Variants in ZNF608 observed in about 807,000 individuals in gnomAD.
ZNF608 encodes the protein renal carcinoma antigen NY-REN-36.
A neutral mutation model predicts 109.0 loss-of-function variants in ZNF608; 12 were observed. The ratio of observed to expected loss-of-function variants is 0.11; its 90% CI spans 0.07 to 0.18. The LOEUF (loss-of-function observed/expected upper bound fraction) is 0.18, where lower values mean the gene tolerates loss of function less well. Among genes scored for constraint, ZNF608 ranks in the 10% least tolerant of loss-of-function variants. The probability of loss-of-function intolerance (pLI) is 1.00; values close to 1 mark genes in which losing one functional copy is unlikely to be tolerated. For synonymous variants in ZNF608, 732 were observed against 717.4 expected, an observed-to-expected ratio of 1.02 and a Z score of -0.33; for missense variants, 1,707 against 1,879.3, an observed-to-expected ratio of 0.91 and a Z score of 1.70.
In ZNF608 at chr5:124,647,470, T is replaced by C. The variant is rs2149788627; in HGVS notation, c.2914A>G (p.Lys972Glu). The C allele has an allele frequency of 6.2e-7, 1 of 1,614,224 alleles. No homozygotes were observed. Among genetic ancestry groups the C allele is most frequent in the South Asian group, 1.1e-5 (1 of 91,088 alleles). The change falls in exon 5 of 10, where the codon AAG becomes GAG. Residue 972 changes from lysine (K) to glutamate (E), a missense_variant. Around this residue, in one of 7 missense-constraint regions of ZNF608, gnomAD observed 1,073 missense variants for 1,133.5 expected, o/e 0.95. Transcript: ENST00000513986. ...GAATGCCCTTTTACAACACTGTCCT[T>C]ACTAGAAATAATATCTGATGGGGAA... is the stretch of plus-strand genomic sequence containing the variant. The part of the protein sequence containing the change: ...ASSPSDIISS[K>E]DSVVKGHSST...
chr5:124,642,406 G>A (rs1281268274), intron 7 of ZNF608, among the ~76,000 whole-genome samples: 3 of 152,144 alleles, frequency 2.0e-5, no homozygotes, highest in African/African-American at 4.8e-5. Context: ...GCCTCACACT[G>A]TACAAGGCTC....
intron 3 of ZNF608, among the ~76,000 whole-genome samples, chr5:124,690,928 C>CAT (rs1164565349): frequency 4.4e-5 from 3 of 68,558 alleles, no homozygotes; most frequent in Non-Finnish European, 2.6e-5. Flanking sequence ...CAGAAAAACA[C>CAT]ACACACACAC....
At chr5:124,640,752 T>C (rs1036421526) in intron 8 of ZNF608, among the ~76,000 whole-genome samples, 2 of 152,230 alleles carry the variant, frequency 1.3e-5, no homozygotes, top group African/African-American at 4.8e-5. Context: ...TTCTCCCATT[T>C]AGTGAAGTCG....
At chr5:124,706,813 C>A (rs1188841020) in intron 2 of ZNF608, among the ~76,000 whole-genome samples, 1 of 152,182 alleles carries the variant, frequency 6.6e-6, no homozygotes, top group Non-Finnish European at 1.5e-5. Flanking sequence ...AACAGACGCG[C>A]GGCAGTCTCT....
At chr5:124,682,761 T>A (rs146902261) in intron 3 of ZNF608, among the ~76,000 whole-genome samples, 1 of 152,180 alleles carries the variant, frequency 6.6e-6, no homozygotes, top group South Asian at 2.1e-4. Flanking sequence ...TTAGAAAAGG[T>A]AATCATAGAA....
At chr5:124,736,819 G>A (rs909497184) in intron 2 of ZNF608, among the ~76,000 whole-genome samples, 2 of 152,186 alleles carry the variant, frequency 1.3e-5, no homozygotes, top group Admixed American at 6.5e-5. Flanking sequence ...GAACTTTGTC[G>A]TCTGTTGCTA....
At chr5:124,659,069 G>T (rs4836103) in intron 3 of ZNF608, among the ~76,000 whole-genome samples, 93,354 of 151,704 alleles carry the variant, frequency 0.62, 29,135 homozygotes, top group East Asian at 0.74. Flanking sequence ...AGACTCAGGA[G>T]GTCACTGAAG....
rs1362993347 is a variant in ZNF608 at position 124,646,825 on chromosome 5, A to C, written c.3559T>G (p.Ser1187Ala). The C allele has an allele frequency of 1.2e-6, 2 of 1,614,192 alleles. No individual in the cohort carries two copies. Among genetic ancestry groups the C allele is most frequent in the Admixed American group, 3.3e-5 (2 of 60,032 alleles). ...TEETGKSQLLSNHQQQLQADS... is the reference protein window; with the variant it reads ...TEETGKSQLLANHQQQLQADS... The stretch of plus-strand genomic sequence containing the variant: ...GCCTGAAGCTGCTGCTGGTGATTGG[A>C]GAGAAGCTGCGATTTACCTGTCTCC... The change falls in exon 5 of 10, where the codon TCC becomes GCC. Residue 1187 changes from serine (S) to alanine (A), a missense_variant. This residue lies in a region of ZNF608 where 1,073 missense variants were observed against 1,133.5 expected (regional missense o/e 0.95). Transcript: ENST00000513986.
chr5:124,728,083 C>T (rs1256648398), intron 2 of ZNF608, among the ~76,000 whole-genome samples: 1 of 152,122 alleles, frequency 6.6e-6, no homozygotes. Flanking sequence ...TCTCTCCAAA[C>T]ACAGCTTTAC....
At chr5:124,704,980 G>C (rs1753201234) in intron 2 of ZNF608, among the ~76,000 whole-genome samples, 1 of 152,136 alleles carries the variant, frequency 6.6e-6, no homozygotes, top group African/African-American at 2.4e-5. Context: ...GTAATTCAAA[G>C]AGTGTGGCCA....
chr5:124,722,689 G>A (rs1753981735), intron 2 of ZNF608, among the ~76,000 whole-genome samples: 2 of 151,934 alleles, frequency 1.3e-5, no homozygotes, highest in Non-Finnish European at 2.9e-5. Context: ...GGGGTTGAGG[G>A]TTGGAGAAGA....
In ZNF608 at chr5:124,718,259, C is replaced by T. The variant is rs377182920; in HGVS notation, c.907-16990G>A. ...TTCTCTGCTTAGCACTCTTTAAATG[C>T]CTTGTTAGGGGAACAAAAAAATTCT... On this transcript the variant is annotated intron_variant, in intron 2 of 9. Transcript: ENST00000513986. Among the ~76,000 whole-genome samples, 15 of 152,290 alleles carry T rather than the reference C, an allele frequency of 9.8e-5. No homozygotes were observed. The South Asian group carries it at 1.7e-3, about 17-fold the overall frequency.
rs1371673007 is a variant in ZNF608, at chr5:124,648,514, C to T, written c.1870G>A (p.Ala624Thr). 4 of 1,614,186 alleles carry T rather than the reference C, an allele frequency of 2.5e-6. No individual in the cohort carries two copies. The highest frequency in any genetic ancestry group is 1.1e-5 in the South Asian group (1 of 91,086). Residue 624 changes from alanine (A) to threonine (T), a missense_variant, in exon 5 of 10, where the codon GCA becomes ACA. Coordinates refer to ENST00000513986, the MANE Select transcript of ZNF608 (RefSeq NM_020747.3). Reference sequence around the variant, plus strand: ...TTTCCAGCACCAGGGGATGCCGGTGCCTTCAACTGGTCATAAGCAGATACA... The same window carrying T: ...TTTCCAGCACCAGGGGATGCCGGTGTCTTCAACTGGTCATAAGCAGATACA... Reference protein sequence around the residue: ...TSVSAYDQLKAPASPGAGNPP... With the variant: ...TSVSAYDQLKTPASPGAGNPP...
chr5:124,670,069 C>T (rs940505616), intron 3 of ZNF608, among the ~76,000 whole-genome samples: 2 of 152,096 alleles, frequency 1.3e-5, no homozygotes, highest in Non-Finnish European at 2.9e-5. Flanking sequence ...TGCCTGAGTC[C>T]TATGACAGGA....
intron 3 of ZNF608, among the ~76,000 whole-genome samples, chr5:124,677,782 G>A (rs1265257702): frequency 6.6e-6 from 1 of 152,140 alleles, no homozygotes; most frequent in Non-Finnish European, 1.5e-5. Flanking sequence ...ATAGAGCAAA[G>A]CCTTCCAGCA....
intron 3 of ZNF608, among the ~76,000 whole-genome samples, chr5:124,694,120 C>A (rs1482204067): frequency 6.9e-6 from 1 of 144,432 alleles, no homozygotes; most frequent in African/African-American, 2.5e-5. Context: ...GGACTACAGG[C>A]GCCCGCCACC....
Position 124,708,663 on chromosome 5 carries a change from C to T in ZNF608, c.907-7394G>A, listed in dbSNP as rs574781038. 5 of 449,908 alleles carry T rather than the reference C, an allele frequency of 1.1e-5. No homozygotes were observed. The East Asian group carries it at 2.8e-4, about 25-fold the overall frequency. 27.9% of individuals were successfully genotyped at this position (449,908 alleles called of 1,614,324 possible). ...TTAAATCATCCAATTCTAAAACTAC[C>T]GTTATGCACAGACTGGGAATTATAT... On this transcript the variant is annotated intron_variant, in intron 2 of 9. Transcript: ENST00000513986.
intron 5 of ZNF608, among the ~76,000 whole-genome samples, chr5:124,646,266 C>G (rs779098507): frequency 5.3e-5 from 8 of 152,110 alleles, no homozygotes; most frequent in Non-Finnish European, 1.2e-4. Flanking sequence ...GAGGCTGACG[C>G]AGGAGAATCG....
At chr5:124,668,217 T>TTA (rs1327932386) in intron 3 of ZNF608, among the ~76,000 whole-genome samples, 21 of 120,256 alleles carry the variant, frequency 1.7e-4, no homozygotes, top group South Asian at 5.4e-4. Context: ...TATATATATA[T>TTA]TATATATATA....
Sources: allele counts gnomAD v4.1 joint callset (sites outside exome capture counted in the v4.1 genomes callset), GRCh38; gene constraint gnomAD v4.1.1; regional missense constraint gnomAD v4.1.1; transcripts MANE v1.5; gene names NCBI Gene and HGNC (gene_info 2026-07-23, HGNC 2026-07-21).